Variants in MARCHF6 observed in about 807,000 individuals in gnomAD.
MARCHF6 encodes the protein E3 ubiquitin-protein ligase MARCHF6.
Under a neutral mutation model 133.7 loss-of-function variants are expected in MARCHF6, and 31 were observed. That is an observed-to-expected ratio of 0.23 (90% CI 0.17 to 0.31). The LOEUF is 0.31. Among genes scored for constraint, MARCHF6 ranks in the 10% least tolerant of loss-of-function variants. MARCHF6 has a pLI of 1.00. For missense variants in MARCHF6, 723 were observed against 1,121.6 expected, an observed-to-expected ratio of 0.64 and a Z score of 5.08; for synonymous variants, 395 against 402.5, an observed-to-expected ratio of 0.98 and a Z score of 0.22.
Position 10,438,532 on chromosome 5 carries a change from C to T in MARCHF6, c.*4848C>T, listed in dbSNP as rs1202920341. 1 of 152,218 alleles carries T rather than the reference C, an allele frequency of 6.6e-6. No individual in the cohort carries two copies. Among genetic ancestry groups the T allele is most frequent in the Non-Finnish European group, 1.5e-5 (1 of 68,040 alleles). 9.4% of individuals were successfully genotyped at this position (152,218 alleles called of 1,614,324 possible). On this transcript the variant is annotated 3_prime_UTR_variant, in exon 26 of 26. Transcript: ENST00000274140. The stretch of plus-strand genomic sequence containing the variant: ...AATTTCCCCCTTCCGCTCCACAGTT[C>T]ATAGCTACTCTTGTTGCAAACATGT...
Position 10,403,510 on chromosome 5 carries a change from A to C in MARCHF6, c.1301A>C (p.Tyr434Ser), listed in dbSNP as rs1468758962. ...CTAGTGGGAATGGTATATGTCTTCT[A>C]CTTTGCCTCCTTCATTCTACTACTG... Reference protein sequence around the residue: ...HWLVGMVYVFYFASFILLLRE... With the variant: ...HWLVGMVYVFSFASFILLLRE... The change falls in exon 15 of 26, where the codon TAC becomes TCC. Residue 434 changes from tyrosine (Y) to serine (S), a missense_variant. Coordinates refer to ENST00000274140, the MANE Select transcript of MARCHF6 (RefSeq NM_005885.4). The C allele has an allele frequency of 6.2e-7, 1 of 1,613,430 alleles. No individual in the cohort carries two copies. Among genetic ancestry groups the C allele is most frequent in the Non-Finnish European group, 8.5e-7 (1 of 1,179,796 alleles).
intron 22 of MARCHF6, among the ~76,000 whole-genome samples, chr5:10,420,566 C>T (rs1329390520): frequency 1.3e-5 from 2 of 152,324 alleles, no homozygotes; most frequent in Admixed American, 1.3e-4. Context: ...GCCAGAGCAT[C>T]CCGTGGCATC....
intron 4 of MARCHF6, among the ~76,000 whole-genome samples, chr5:10,384,569 G>A (rs1737352761): frequency 6.6e-6 from 1 of 152,188 alleles, no homozygotes; most frequent in African/African-American, 2.4e-5. Context: ...TGTTATTGAG[G>A]AGAGTCCTGG....
At chr5:10,413,569 A>G (rs1024216674) in intron 19 of MARCHF6, 1 of 152,242 alleles carries the variant, frequency 6.6e-6, no homozygotes, top group Non-Finnish European at 1.5e-5. Flanking sequence ...CACTGCTAAT[A>G]AATAATCTGA....
chr5:10,417,767 T>C (rs1403369023), intron 22 of MARCHF6, among the ~76,000 whole-genome samples: 1 of 150,840 alleles, frequency 6.6e-6, no homozygotes, highest in East Asian at 1.9e-4. Flanking sequence ...TAATTTTTAA[T>C]TATTTTAGGT....
intron 12 of MARCHF6, 55 bp downstream of exon 12, chr5:10,402,194 C>T: frequency 7.2e-6 from 9 of 1,247,958 alleles, no homozygotes; most frequent in Non-Finnish European, 1.0e-5. Context: ...TACCAAAGAA[C>T]TCTTCATTAA....
At chr5:10,385,065 T>G (rs572101056) in intron 4 of MARCHF6, among the ~76,000 whole-genome samples, 1 of 152,232 alleles carries the variant, frequency 6.6e-6, no homozygotes, top group South Asian at 2.1e-4. Context: ...TAATTTTGCT[T>G]CTTTGACAAA....
At chr5:10,382,099 C>G (rs1008198382) in intron 4 of MARCHF6, among the ~76,000 whole-genome samples, 156 bp downstream of exon 4, 1 of 152,116 alleles carries the variant, frequency 6.6e-6, no homozygotes, top group Non-Finnish European at 1.5e-5. Context: ...AGATGTTCAT[C>G]GGAACTAAGA....
intron 16 of MARCHF6, 66 bp downstream of exon 16, chr5:10,405,743 G>T: frequency 2.8e-6 from 4 of 1,418,416 alleles, no homozygotes; most frequent in South Asian, 1.5e-5. Context: ...TTTTGTTTAG[G>T]TTTTTTTTTC....
chr5:10,361,937 A>G (rs2126646069), intron 1 of MARCHF6, among the ~76,000 whole-genome samples: 1 of 151,934 alleles, frequency 6.6e-6, no homozygotes, highest in South Asian at 2.1e-4. Flanking sequence ...CTAATTTTGT[A>G]TTTTTAGTAG....
chr5:10,353,817 C>T lies in MARCHF6; in HGVS notation c.-82C>T. On this transcript the variant is annotated 5_prime_UTR_variant, in exon 1 of 26. Transcript: ENST00000274140. ...AGCGTACGCACCTGCCCGGGCCCGG[C>T]TCCCTCCTCCTCTCCCCTCCCTCTT... 6.7e-6 allele frequency: 9 copies of T among 1,339,516 alleles called. No homozygotes were observed. The highest frequency in any genetic ancestry group is 9.3e-6 in the Non-Finnish European group (9 of 971,672). The allele number at this position is 1,339,516 out of a possible 1,614,324, so 83.0% of individuals were successfully genotyped here. A position where few individuals can be genotyped will look rare whatever the true frequency, so the allele number is the denominator to read the frequency against.
At chr5:10,359,933 G>C (rs1735709848) in intron 1 of MARCHF6, among the ~76,000 whole-genome samples, 1 of 151,958 alleles carries the variant, frequency 6.6e-6, no homozygotes, top group South Asian at 2.1e-4. Context: ...GTGAACGTGG[G>C]AGGCGGAGCT....
At chr5:10,413,896 C>T (rs922758899) in intron 19 of MARCHF6, among the ~76,000 whole-genome samples, 2 of 152,158 alleles carry the variant, frequency 1.3e-5, no homozygotes, top group African/African-American at 4.8e-5. Flanking sequence ...ACCATATCAG[C>T]TTCTCAGTAC....
chr5:10,430,917 T>C (rs1740332531), intron 25 of MARCHF6, among the ~76,000 whole-genome samples: 1 of 152,196 alleles, frequency 6.6e-6, no homozygotes, highest in African/African-American at 2.4e-5. Flanking sequence ...ATTTGACCTT[T>C]ATGTCCGAAC....
Position 10,394,822 on chromosome 5 carries a change from C to T in MARCHF6, c.861+37C>T, listed in dbSNP as rs752219103. Reference sequence around the variant, plus strand: ...TAATTTTTTTTTTTTTTTTTTGAGACGGAATCTCACTCTGTCACCCAGGCT... The same window carrying T: ...TAATTTTTTTTTTTTTTTTTTGAGATGGAATCTCACTCTGTCACCCAGGCT... On this transcript the variant is annotated intron_variant, in intron 9 of 25. Coordinates refer to ENST00000274140, the MANE Select transcript of MARCHF6 (RefSeq NM_005885.4). 4.8e-5 allele frequency: 56 copies of T among 1,171,784 alleles called. 1 individual carries two copies. The highest frequency in any genetic ancestry group is 2.0e-4 in the South Asian group (15 of 73,818). The allele number at this position is 1,171,784 out of a possible 1,614,324, so 72.6% of individuals were successfully genotyped here. A position where few individuals can be genotyped will look rare whatever the true frequency, so the allele number is the denominator to read the frequency against.
intron 2 of MARCHF6, 63 bp from the exon 3 acceptor site, chr5:10,378,696 C>T (rs1490963609): frequency 1.7e-5 from 17 of 1,027,040 alleles, no homozygotes; most frequent in African/African-American, 6.4e-5. Flanking sequence ...ACAATGTTTT[C>T]GACAAAACTG....
At chr5:10,373,879 G>A (rs1192870726) in intron 1 of MARCHF6, among the ~76,000 whole-genome samples, 1 of 152,076 alleles carries the variant, frequency 6.6e-6, no homozygotes, top group Non-Finnish European at 1.5e-5. Flanking sequence ...CTGGATGAGG[G>A]TTCAGCTCCT....
intron 3 of MARCHF6, 55 bp downstream of exon 3, chr5:10,378,887 A>G: frequency 8.5e-7 from 1 of 1,182,432 alleles, no homozygotes; most frequent in Non-Finnish European, 1.2e-6. Flanking sequence ...TCGTGGCATA[A>G]AGGTGTTTGA....
intron 1 of MARCHF6, among the ~76,000 whole-genome samples, chr5:10,354,920 T>A (rs2126624434): frequency 6.6e-6 from 1 of 152,320 alleles, no homozygotes; most frequent in African/African-American, 2.4e-5. Context: ...ATTATCTATG[T>A]AATGAGTTGA....
Sources: allele counts gnomAD v4.1 joint callset (sites outside exome capture counted in the v4.1 genomes callset), GRCh38; gene constraint gnomAD v4.1.1; transcripts MANE v1.5; gene names NCBI Gene and HGNC (gene_info 2026-07-23, HGNC 2026-07-21).